Variants in ANO6 observed in about 807,000 individuals in gnomAD.
ANO6 encodes anoctamin-6.
ANO6 carries 106 observed loss-of-function variants against 117.5 expected under a neutral mutation model. The ratio of observed to expected loss-of-function variants is 0.90; its 90% CI spans 0.77 to 1.06. The LOEUF (loss-of-function observed/expected upper bound fraction) is 1.06. Ranked by LOEUF, ANO6 falls within the 50% of genes least tolerant of loss-of-function variation. The pLI is 0.00. For synonymous variants in ANO6, 367 were observed against 385.1 expected (o/e 0.95, Z 0.55); for missense variants, 955 against 1,121.1 (o/e 0.85, Z 2.12).
At position 45,429,122 on chromosome 12, in the gene ANO6, G is replaced by A; in HGVS notation, c.2544G>A (p.Val848=). 6.2e-7 allele frequency: 1 copy of A among 1,613,624 alleles called. No individual in the cohort carries two copies. Among genetic ancestry groups the A allele is most frequent in the Non-Finnish European group, 8.5e-7 (1 of 1,179,888 alleles). ...IIVMEHVIYS[V]KFFISYAIPD... Reference sequence around the variant, plus strand: ...TTCCCCAGCACGTCATCTACTCTGTGAAATTTTTCATTTCATATGCAATTC... The same window carrying A: ...TTCCCCAGCACGTCATCTACTCTGTAAAATTTTTCATTTCATATGCAATTC... Residue 848 remains valine (V), a synonymous_variant, in exon 20 of 20, where the codon GTG becomes GTA. Coordinates refer to ENST00000320560, the MANE Select transcript of ANO6 (RefSeq NM_001025356.3).
At chr12:45,241,752 T>G (rs1385646891) in intron 1 of ANO6, among the ~76,000 whole-genome samples, 1 of 152,162 alleles carries the variant, frequency 6.6e-6, no homozygotes. Context: ...GATGTCCTTT[T>G]TGTTGATGTT....
At chr12:45,437,356 A>C (rs1943718505) in intron 19 of ANO6, among the ~76,000 whole-genome samples, 1 of 152,252 alleles carries the variant, frequency 6.6e-6, no homozygotes, top group East Asian at 1.9e-4. Context: ...GACATTAAAA[A>C]TAAAAAACAA....
At chr12:45,226,364 A>G (rs901640900) in intron 1 of ANO6, among the ~76,000 whole-genome samples, 63 of 152,198 alleles carry the variant, frequency 4.1e-4, no homozygotes, top group Admixed American at 3.3e-3. Flanking sequence ...TAATGCTTTC[A>G]TAATAGTACA....
intron 1 of ANO6, among the ~76,000 whole-genome samples, chr12:45,233,213 G>A (rs1349177508): frequency 3.3e-5 from 5 of 152,158 alleles, no homozygotes; most frequent in Non-Finnish European, 1.5e-5. Context: ...ACTCTGATAT[G>A]CTTCTCTCAA....
chr12:45,231,578 A>G (rs893096065), intron 1 of ANO6, among the ~76,000 whole-genome samples: 1 of 152,230 alleles, frequency 6.6e-6, no homozygotes, highest in Non-Finnish European at 1.5e-5. Context: ...TACTTTTTCT[A>G]TGAAAGCCAA....
chr12:45,417,055 T>C, intron 17 of ANO6, 151 bp downstream of exon 17: 1 of 762,620 alleles, frequency 1.3e-6, no homozygotes, highest in East Asian at 2.7e-5. Context: ...TATAACCACT[T>C]GTTAAATGTA....
chr12:45,322,958 G>A (rs1213736509), intron 2 of ANO6, among the ~76,000 whole-genome samples: 1 of 152,068 alleles, frequency 6.6e-6, no homozygotes, highest in Non-Finnish European at 1.5e-5. Context: ...TTGCCCTGCT[G>A]CCAAGAGGCT....
chr12:45,309,567 T>C (rs1488329855), intron 2 of ANO6, among the ~76,000 whole-genome samples: 2 of 148,328 alleles, frequency 1.3e-5, no homozygotes, highest in East Asian at 2.0e-4. Context: ...TATTTTCACC[T>C]TTTTTTTTTT....
intron 1 of ANO6, among the ~76,000 whole-genome samples, chr12:45,292,129 CAT>C (rs1269495726): frequency 1.3e-5 from 2 of 152,120 alleles, no homozygotes; most frequent in African/African-American, 4.8e-5. Flanking sequence ...ATTATTCTGT[CAT>C]AGAAAGGAAC....
intron 2 of ANO6, among the ~76,000 whole-genome samples, chr12:45,324,525 T>C (rs1169294824): frequency 1.3e-5 from 2 of 152,136 alleles, no homozygotes; most frequent in Non-Finnish European, 2.9e-5. Flanking sequence ...GGGGTACATG[T>C]GACATAAGCG....
At chr12:45,227,996 G>A (rs1201862058) in intron 1 of ANO6, among the ~76,000 whole-genome samples, 1 of 152,142 alleles carries the variant, frequency 6.6e-6, no homozygotes, top group Non-Finnish European at 1.5e-5. Flanking sequence ...CTCTTTCAGG[G>A]AAATCTTAGC....
chr12:45,358,994 G>A (rs1941484264), intron 8 of ANO6, among the ~76,000 whole-genome samples: 2 of 152,152 alleles, frequency 1.3e-5, no homozygotes, highest in African/African-American at 4.8e-5. Flanking sequence ...ATCTTGGCCA[G>A]GCTGGTCTCG....
chr12:45,378,712 T>C (rs1942094384), intron 10 of ANO6, among the ~76,000 whole-genome samples: 1 of 152,190 alleles, frequency 6.6e-6, no homozygotes, highest in African/African-American at 2.4e-5. Context: ...AGGCATGATT[T>C]GTTGGAAGCC....
chr12:45,431,929 A>G lies in ANO6; in HGVS notation c.*2618A>G, dbSNP rs2137744535. 1.0e-6 allele frequency: 1 copy of G among 985,342 alleles called. No individual in the cohort carries two copies. The highest frequency in any genetic ancestry group is 1.1e-4 in the East Asian group (1 of 8,814). The allele number at this position is 985,342 out of a possible 1,614,324, so 61.0% of individuals were successfully genotyped here. ...ATACTCAGGGGATTTTTCATTAAAC[A>G]TCCCTCAGATAATTTAGCTATATAT... On this transcript the variant is annotated 3_prime_UTR_variant, in exon 20 of 20. Coordinates refer to ENST00000320560, the MANE Select transcript of ANO6 (RefSeq NM_001025356.3).
intron 4 of ANO6, 122 bp downstream of exon 4, chr12:45,347,209 G>GGA: frequency 1.1e-6 from 1 of 892,504 alleles, no homozygotes; most frequent in Non-Finnish European, 1.8e-6. Flanking sequence ...TCATAGACTG[G>GGA]GAGAGGAGTC....
At chr12:45,229,724 A>G (rs1242792659) in intron 1 of ANO6, among the ~76,000 whole-genome samples, 3 of 151,702 alleles carry the variant, frequency 2.0e-5, no homozygotes, top group Middle Eastern at 3.2e-3. Context: ...CTGTCCCATT[A>G]TTTTCATCAG....
At chr12:45,256,047 C>A (rs1474958625) in intron 1 of ANO6, among the ~76,000 whole-genome samples, 13 of 152,140 alleles carry the variant, frequency 8.5e-5, no homozygotes, top group Admixed American at 7.2e-4. Flanking sequence ...TGGTCTCAAA[C>A]TCCTGACCTC....
At chr12:45,335,909 A>G (rs1420951248) in intron 3 of ANO6, among the ~76,000 whole-genome samples, 1 of 151,942 alleles carries the variant, frequency 6.6e-6, no homozygotes, top group African/African-American at 2.4e-5. Flanking sequence ...AATACTATTA[A>G]TTTTCCCAAA....
At chr12:45,235,308 A>C (rs1213393284) in intron 1 of ANO6, among the ~76,000 whole-genome samples, 1 of 152,196 alleles carries the variant, frequency 6.6e-6, no homozygotes, top group Admixed American at 6.5e-5. Context: ...AATTGTGATG[A>C]AACTGTTGTA....
Sources: gnomAD v4.1 joint callset for allele counts (sites outside exome capture counted in the v4.1 genomes callset) on GRCh38, gnomAD v4.1.1 for gene constraint, MANE v1.5 for transcripts, NCBI Gene and HGNC (gene_info 2026-07-23, HGNC 2026-07-21) for gene names.